MAFF: variants seen among roughly 807,000 people sequenced by gnomAD.
The protein encoded by MAFF is transcription factor MafF.
In MAFF, 4 loss-of-function variants were observed where a neutral mutation model predicts 2.7. The ratio of observed to expected loss-of-function variants is 1.48; its 90% CI spans 0.73 to 3.39. The LOEUF is 3.39. Among genes scored for constraint, MAFF ranks in the 30% most tolerant of loss-of-function variants. The pLI is 0.01. For synonymous variants in MAFF, 113 were observed against 119.4 expected (o/e 0.95, Z 0.35); for missense variants, 190 against 246.6 (o/e 0.77, Z 1.54).
chr22:38,206,152 T>C (rs1021222107), intron 1 of MAFF, among the ~76,000 whole-genome samples: 1 of 152,092 alleles, frequency 6.6e-6, no homozygotes, highest in African/African-American at 2.4e-5. Context: ...TCAGGCCTGG[T>C]CTGGAGGCAG....
chr22:38,209,583 C>T (rs550880653), intron 1 of MAFF, among the ~76,000 whole-genome samples: 1 of 151,946 alleles, frequency 6.6e-6, no homozygotes, highest in East Asian at 2.0e-4. Context: ...GAGGCCGAGG[C>T]AGGTGGATCA....
At position 38,213,853 on chromosome 22, in the gene MAFF, C is replaced by T. The variant is rs373498296; in HGVS notation, c.-1C>T. The T allele has an allele frequency of 6.2e-7, 1 of 1,614,198 alleles. No homozygotes were observed. Among genetic ancestry groups the T allele is most frequent in the East Asian group, 2.2e-5 (1 of 44,884 alleles). On this transcript the variant is annotated 5_prime_UTR_variant, in exon 2 of 3. Transcript: ENST00000338483. ...CAGCCCAGAGGGCACCTTCTGCAAA[C>T]ATGTCTGTGGATCCCCTATCCAGCA... is the stretch of plus-strand genomic sequence containing the variant.
chr22:38,212,930 G>A (rs1042677194), intron 1 of MAFF, among the ~76,000 whole-genome samples: 1 of 152,174 alleles, frequency 6.6e-6, no homozygotes, highest in African/African-American at 2.4e-5. Context: ...GGGAGGCTGA[G>A]GCGGGTGGAT....
At position 38,214,290 on chromosome 22, in the gene MAFF, C is replaced by T; in HGVS notation, c.37-130C>T. On this transcript the variant is annotated intron_variant, in intron 2 of 2. Transcript: ENST00000338483. The surrounding 1 kb of genome is among the most constrained non-coding windows in gnomAD (Gnocchi z 6.3). ...CCGGTTTCCCCTTCCCGGATTCCTG[C>T]TCCCCTTCGGGGTTTTGGATCAAGT... 2 of 897,882 alleles carry T rather than the reference C, an allele frequency of 2.2e-6. No homozygotes were observed. Among genetic ancestry groups the T allele is most frequent in the Non-Finnish European group, 3.3e-6 (2 of 611,310 alleles). 55.6% of individuals were successfully genotyped at this position (897,882 alleles called of 1,614,324 possible). A position where few individuals can be genotyped will look rare whatever the true frequency, so the allele number is the denominator to read the frequency against.
At chr22:38,208,253 C>T (rs1459660974) in intron 1 of MAFF, among the ~76,000 whole-genome samples, 7 of 152,190 alleles carry the variant, frequency 4.6e-5, no homozygotes, top group Admixed American at 6.5e-5. Context: ...GGTATTGTTC[C>T]GATCCTTTAG....
Position 38,214,020 on chromosome 22 carries a change from C to A in MAFF, c.36+131C>A. On this transcript the variant is annotated intron_variant, in intron 2 of 2. Transcript: ENST00000338483. The surrounding 1 kb of genome is among the most constrained non-coding windows in gnomAD (Gnocchi z 6.3). ...AGCAGGCACCAGGCCTTCATGATGC[C>A]AAAGGGAAGGGCCACAGCCATGGGC... 4.2e-6 allele frequency: 4 copies of A among 945,344 alleles called. No individual in the cohort carries two copies. Among genetic ancestry groups the A allele is most frequent in the Non-Finnish European group, 6.6e-6 (4 of 610,262 alleles). The allele number at this position is 945,344 out of a possible 1,614,324, so 58.6% of individuals were successfully genotyped here.
rs2146025726 is a variant in MAFF at position 38,215,240 on chromosome 22, C to T, written c.*362C>T. On this transcript the variant is annotated 3_prime_UTR_variant, in exon 3 of 3. Coordinates refer to ENST00000338483, the MANE Select transcript of MAFF (RefSeq NM_012323.4). ...TGCTCTTATTGTGCCAATATGCCCTCCAAACCCTCCCAGGATTCAAAGCTA... is the reference window on the plus strand; with the variant it reads ...TGCTCTTATTGTGCCAATATGCCCTTCAAACCCTCCCAGGATTCAAAGCTA... 4.6e-6 allele frequency: 1 copy of T among 218,820 alleles called. No individual in the cohort carries two copies. Among genetic ancestry groups the T allele is most frequent in the Middle Eastern group, 1.8e-3 (1 of 552 alleles). 13.6% of individuals were successfully genotyped at this position (218,820 alleles called of 1,614,324 possible).
At chr22:38,208,446 G>A (rs1265717463) in intron 1 of MAFF, among the ~76,000 whole-genome samples, 3 of 152,088 alleles carry the variant, frequency 2.0e-5, no homozygotes, top group Admixed American at 1.3e-4. Flanking sequence ...CTTCCCATTC[G>A]CCTAGCATCT....
At chr22:38,207,726 T>C (rs2091064366) in intron 1 of MAFF, among the ~76,000 whole-genome samples, 1 of 151,946 alleles carries the variant, frequency 6.6e-6, no homozygotes, top group Middle Eastern at 3.2e-3. Flanking sequence ...GCCTCCTGAG[T>C]AGCTGGGGCT....
intron 1 of MAFF, among the ~76,000 whole-genome samples, chr22:38,207,639 CACCCAGGGAGTGCAGTGGCGGGA>C: frequency 6.6e-6 from 1 of 151,558 alleles, no homozygotes. Flanking sequence ...CTTGCTTTGT[CACCCAGGGAGTGCAGTGGCGGGA>C]TCACAGCTCA....
In MAFF at chr22:38,202,995, G is replaced by T. The variant is rs1413679339; in HGVS notation, c.-32+783G>T. 1 of 152,298 alleles carries T rather than the reference G, an allele frequency of 6.6e-6. No individual in the cohort carries two copies. Among genetic ancestry groups the T allele is most frequent in the East Asian group, 1.9e-4 (1 of 5,194 alleles). The allele number at this position is 152,298 out of a possible 1,614,324, so 9.4% of individuals were successfully genotyped here. A position where few individuals can be genotyped will look rare whatever the true frequency, so the allele number is the denominator to read the frequency against. The stretch of plus-strand genomic sequence containing the variant: ...AGCCCGCGCCCGCAGCCACAGGGTG[G>T]GGCAAGGTATCAAAGACCCCACCCA... On this transcript the variant is annotated intron_variant, in intron 1 of 2. Coordinates refer to ENST00000338483, the MANE Select transcript of MAFF (RefSeq NM_012323.4). The surrounding 1 kb of genome is among the most constrained non-coding windows in gnomAD (Gnocchi z 7.4).
Position 38,213,870 on chromosome 22 carries a change from T to C in MAFF, c.17T>C (p.Leu6Pro), listed in dbSNP as rs947725526. The C allele has an allele frequency of 6.2e-7, 1 of 1,614,186 alleles. No individual in the cohort carries two copies. Among genetic ancestry groups the C allele is most frequent in the Non-Finnish European group, 8.5e-7 (1 of 1,180,004 alleles). ...TCTGCAAACATGTCTGTGGATCCCC[T>C]ATCCAGCAAAGCTCTAAAGGTGAGG... MSVDPLSSKALKIKRE... is the reference protein window; with the variant it reads MSVDPPSSKALKIKRE... Residue 6 changes from leucine to proline, a missense_variant, in exon 2 of 3, where the codon CTA (leucine) becomes CCA (proline). Around this residue, in one of 2 missense-constraint regions of MAFF, gnomAD observed 87 missense variants for 143.6 expected, o/e 0.61. Transcript: ENST00000338483.
At chr22:38,209,598 A>G (rs1441052531) in intron 1 of MAFF, among the ~76,000 whole-genome samples, 1 of 151,654 alleles carries the variant, frequency 6.6e-6, no homozygotes, top group Non-Finnish European at 1.5e-5. Flanking sequence ...GGATCACCTG[A>G]GGTTAGGAGT....
intron 1 of MAFF, among the ~76,000 whole-genome samples, chr22:38,212,767 G>A (rs889159881): frequency 7.2e-5 from 11 of 152,132 alleles, no homozygotes; most frequent in Admixed American, 4.6e-4. Context: ...GGGACTGGCT[G>A]ATGTTGTATC....
intron 1 of MAFF, chr22:38,205,478 G>T (rs1384132769): frequency 6.6e-6 from 1 of 152,356 alleles, no homozygotes; most frequent in Non-Finnish European, 1.5e-5. Context: ...GCCCATGCCA[G>T]CGGGTGGGCC....
Position 38,207,078 on chromosome 22 carries a change from AG to A in MAFF, c.-32+4868del, listed in dbSNP as rs560586490. Reference sequence around the variant, plus strand: ...GCCCTGCCAGGGCCACACAGGGAGGAGGTGTGTGGCTCCATGTGGCCTCAGG... The same window carrying A: ...GCCCTGCCAGGGCCACACAGGGAGGAGTGTGTGGCTCCATGTGGCCTCAGG... On this transcript the variant is annotated intron_variant, in intron 1 of 2. Coordinates refer to ENST00000338483, the MANE Select transcript of MAFF (RefSeq NM_012323.4). 3.2e-3 allele frequency among the ~76,000 whole-genome samples: 481 copies of A among 152,092 alleles called. 1 individual carries two copies. The highest frequency in any genetic ancestry group is 0.011 in the African/African-American group (467 of 41,474).
chr22:38,211,261 C>T (rs1461104236), intron 1 of MAFF, among the ~76,000 whole-genome samples: 3 of 149,582 alleles, frequency 2.0e-5, no homozygotes, highest in Non-Finnish European at 4.4e-5. Flanking sequence ...CGGAGTCTCA[C>T]TCTCGCCCAG....
chr22:38,204,027 G>T (rs1170501050), intron 1 of MAFF: 1 of 152,244 alleles, frequency 6.6e-6, no homozygotes, highest in African/African-American at 2.4e-5. Flanking sequence ...TACAAAGTAG[G>T]GCCTGGGGTC....
Position 38,204,489 on chromosome 22 carries a change from G to A in MAFF, c.-32+2277G>A, listed in dbSNP as rs78768263. Among the ~76,000 whole-genome samples the A allele has an allele frequency of 4.5e-3, 680 of 152,252 alleles. 4 individuals carry two copies. Among genetic ancestry groups the A allele is most frequent in the African/African-American group, 0.016 (650 of 41,540 alleles). On this transcript the variant is annotated intron_variant, in intron 1 of 2. Transcript: ENST00000338483. ...GCACAGAGCCTGGAACATAGTAGGT[G>A]CTTCTTGGATGTTTGCTGATTGAAT...
Sources: allele counts gnomAD v4.1 joint callset (sites outside exome capture counted in the v4.1 genomes callset), GRCh38; gene constraint gnomAD v4.1.1; regional missense constraint gnomAD v4.1.1; non-coding constraint Gnocchi (gnomAD v3.1); transcripts MANE v1.5; gene names NCBI Gene and HGNC (gene_info 2026-07-23, HGNC 2026-07-21).